Variants in BABAM2 observed in about 807,000 individuals in gnomAD.
The protein encoded by BABAM2 is BRISC and BRCA1-A complex member 2.
In BABAM2, 31 loss-of-function variants were observed where a neutral mutation model predicts 54.7. That is an observed-to-expected ratio of 0.57 (90% CI 0.43 to 0.77). The LOEUF is 0.77. Ranked by LOEUF, BABAM2 falls within the 30% of genes least tolerant of loss-of-function variation. The probability of loss-of-function intolerance (pLI) is 0.00; values close to 1 mark genes in which losing one functional copy is unlikely to be tolerated. For synonymous variants in BABAM2, 167 were observed against 162.9 expected (o/e 1.03, Z -0.19); for missense variants, 364 against 455.8 (o/e 0.80, Z 1.83).
chr2:28,255,150 GTTTT>G (rs147889917), intron 10 of BABAM2, among the ~76,000 whole-genome samples: 4 of 151,872 alleles, frequency 2.6e-5, no homozygotes, highest in Non-Finnish European at 4.4e-5. Flanking sequence ...TCAAACGTGG[GTTTT>G]TTTTAGCACT....
At chr2:28,174,277 C>CA (rs1674673606) in intron 7 of BABAM2, among the ~76,000 whole-genome samples, 1 of 152,140 alleles carries the variant, frequency 6.6e-6, no homozygotes, top group South Asian at 2.1e-4. Context: ...ACAGAGCACA[C>CA]AAAAATACCT....
At chr2:28,088,510 C>T (rs1036409992) in intron 6 of BABAM2, among the ~76,000 whole-genome samples, 1 of 152,146 alleles carries the variant, frequency 6.6e-6, no homozygotes, top group African/African-American at 2.4e-5. Context: ...TGGGCTTCTG[C>T]AATTATTCTG....
chr2:28,042,430 G>T (rs778300350), intron 5 of BABAM2, among the ~76,000 whole-genome samples: 1 of 152,166 alleles, frequency 6.6e-6, no homozygotes, highest in Non-Finnish European at 1.5e-5. Context: ...CAGAGGGAGA[G>T]CCAGTGAAGT....
chr2:28,312,216 AAGC>A (rs1390941727), intron 11 of BABAM2, among the ~76,000 whole-genome samples: 21 of 152,218 alleles, frequency 1.4e-4, no homozygotes, highest in African/African-American at 4.8e-4. Context: ...TCATAATGAC[AAGC>A]AGAGGCCTTG....
rs968418812 is a variant in BABAM2, at chr2:28,324,636, A to G, written c.1089-13814A>G. Among the ~76,000 whole-genome samples, 15 of 151,958 alleles carry G rather than the reference A, an allele frequency of 9.9e-5. 1 individual carries two copies. The highest frequency in any genetic ancestry group is 9.2e-4 in the Admixed American group (14 of 15,248). ...CAAGACCCCATCTCTACAAAAAAAA[A>G]AAAAATTAATTAGCTGGGCGTGGTA... On this transcript the variant is annotated intron_variant, in intron 11 of 11. Transcript: ENST00000379624.
At chr2:28,115,904 C>T (rs1032705585) in intron 6 of BABAM2, among the ~76,000 whole-genome samples, 1 of 151,790 alleles carries the variant, frequency 6.6e-6, no homozygotes, top group African/African-American at 2.4e-5. Context: ...CACCTGAGGT[C>T]GGGAGTTCGA....
chr2:28,212,273 T>C (rs1461541284), intron 7 of BABAM2, among the ~76,000 whole-genome samples: 1 of 152,266 alleles, frequency 6.6e-6, no homozygotes, highest in East Asian at 1.9e-4. Context: ...GAGTGCCTCC[T>C]ATGCACCAGG....
chr2:28,144,909 G>A (rs1475503180), intron 7 of BABAM2, among the ~76,000 whole-genome samples: 4 of 152,164 alleles, frequency 2.6e-5, no homozygotes, highest in African/African-American at 9.7e-5. Context: ...GGTCTTACAT[G>A]CTACCCACTA....
At chr2:28,007,690 T>A (rs1341405079) in intron 4 of BABAM2, among the ~76,000 whole-genome samples, 1 of 152,202 alleles carries the variant, frequency 6.6e-6, no homozygotes, top group Non-Finnish European at 1.5e-5. Context: ...TGAGCCATAA[T>A]AATTTCATTT....
chr2:28,261,365 C>T (rs186929644), intron 10 of BABAM2, among the ~76,000 whole-genome samples: 375 of 136,764 alleles, frequency 2.7e-3, no homozygotes, highest in African/African-American at 9.9e-3. Flanking sequence ...CTTGCTCTGT[C>T]GCCCAGGCTG....
intron 6 of BABAM2, among the ~76,000 whole-genome samples, chr2:28,116,463 C>G (rs1668624075): frequency 6.6e-6 from 1 of 152,200 alleles, no homozygotes; most frequent in Non-Finnish European, 1.5e-5. Flanking sequence ...TCTGAAATAA[C>G]TTGGAAATAA....
chr2:27,936,169 C>T (rs991930141), intron 3 of BABAM2, among the ~76,000 whole-genome samples: 3 of 152,144 alleles, frequency 2.0e-5, no homozygotes, highest in Non-Finnish European at 2.9e-5. Flanking sequence ...ATCCACCCAC[C>T]TTCGCCTCCC....
intron 6 of BABAM2, among the ~76,000 whole-genome samples, chr2:28,048,892 T>C (rs912662945): frequency 2.6e-5 from 4 of 152,228 alleles, no homozygotes; most frequent in Non-Finnish European, 5.9e-5. Flanking sequence ...TAGAGTGTGG[T>C]GAAAAGTGCT....
At chr2:27,908,816 T>G (rs1360744640) in intron 2 of BABAM2, among the ~76,000 whole-genome samples, 3 of 152,224 alleles carry the variant, frequency 2.0e-5, no homozygotes, top group Non-Finnish European at 4.4e-5. Flanking sequence ...TGTGCTATAC[T>G]GTTGTCCACA....
chr2:28,314,225 A>G (rs541653330), intron 11 of BABAM2, among the ~76,000 whole-genome samples: 1 of 152,316 alleles, frequency 6.6e-6, no homozygotes, highest in East Asian at 1.9e-4. Flanking sequence ...TAATTTCTGT[A>G]ATTCTCGTAA....
At chr2:28,138,115 T>C (rs1670704408) in intron 7 of BABAM2, among the ~76,000 whole-genome samples, 2 of 152,220 alleles carry the variant, frequency 1.3e-5, no homozygotes, top group Non-Finnish European at 2.9e-5. Context: ...TTATATTTAT[T>C]CACAAGTAGG....
chr2:27,889,236 C>T (rs769012231), upstream of BABAM2, among the ~76,000 whole-genome samples: 4 of 152,160 alleles, frequency 2.6e-5, no homozygotes, highest in Admixed American at 6.5e-5. Flanking sequence ...GAGTAGAATA[C>T]AGGTGGTTTG....
At chr2:28,174,023 A>C (rs1674646978) in intron 7 of BABAM2, among the ~76,000 whole-genome samples, 1 of 152,196 alleles carries the variant, frequency 6.6e-6, no homozygotes, top group Non-Finnish European at 1.5e-5. Flanking sequence ...GGTGAAAAAC[A>C]ACAAAAAAAA....
At chr2:27,929,962 G>A (rs1040418937) in intron 3 of BABAM2, 54 bp downstream of exon 3, 216 of 1,510,652 alleles carry the variant, frequency 1.4e-4, no homozygotes, top group Non-Finnish European at 1.9e-4. Flanking sequence ...GTCAGCTATT[G>A]GACTTTGTGC....
Sources: allele counts gnomAD v4.1 joint callset (sites outside exome capture counted in the v4.1 genomes callset), GRCh38; gene constraint gnomAD v4.1.1; transcripts MANE v1.5; gene names NCBI Gene and HGNC (gene_info 2026-07-23, HGNC 2026-07-21).